The following PVT1 variants were observed in gnomAD, a reference collection of about 807,000 sequenced individuals.
The protein encoded by PVT1 is CXCR4/PVT1 fusion.
chr8:127,882,421 C>T (rs1815478595), intron 2 of PVT1, among the ~76,000 whole-genome samples: 1 of 152,152 alleles, frequency 6.6e-6, no homozygotes, highest in Non-Finnish European at 1.5e-5. Context: ...GAGAAATTGC[C>T]ACCTCTCCCT....
At chr8:127,979,979 A>G (rs1000879958) in intron 3 of PVT1, among the ~76,000 whole-genome samples, 3 of 144,150 alleles carry the variant, frequency 2.1e-5, no homozygotes, top group Non-Finnish European at 4.7e-5. Flanking sequence ...TCCTGGGCTC[A>G]GGCGATCCTT....
At chr8:127,823,918 T>G (rs1586394846) in intron 2 of PVT1, among the ~76,000 whole-genome samples, 1 of 152,140 alleles carries the variant, frequency 6.6e-6, no homozygotes, top group African/African-American at 2.4e-5. Context: ...TGAGGCTGGG[T>G]GAGGTGGCTC....
chr8:127,933,627 G>A (rs1816238340), intron 3 of PVT1, among the ~76,000 whole-genome samples: 1 of 152,198 alleles, frequency 6.6e-6, no homozygotes, highest in African/African-American at 2.4e-5. Flanking sequence ...GAAGGGGCAA[G>A]ATGAAGCCTC....
intron 4 of PVT1, among the ~76,000 whole-genome samples, chr8:127,995,915 T>A (rs200845509): frequency 2.1e-5 from 3 of 140,654 alleles, no homozygotes; most frequent in Non-Finnish European, 3.2e-5. Context: ...TTTTTTTTTT[T>A]AAACTTAAGG....
intron 2 of PVT1, among the ~76,000 whole-genome samples, chr8:127,845,986 A>G (rs6999467): frequency 0.044 from 6,643 of 152,240 alleles, 522 homozygotes; most frequent in African/African-American, 0.15. Flanking sequence ...GGGTCCCAGG[A>G]AGGCTGTGCT....
At chr8:128,019,028 T>G (rs1197127321) in intron 4 of PVT1, among the ~76,000 whole-genome samples, 1 of 152,192 alleles carries the variant, frequency 6.6e-6, no homozygotes, top group Non-Finnish European at 1.5e-5. Flanking sequence ...GTCTAGCTGG[T>G]CTGGGCTGCC....
intron 2 of PVT1, among the ~76,000 whole-genome samples, chr8:127,890,308 A>G (rs1170134807): frequency 6.6e-6 from 1 of 152,112 alleles, no homozygotes; most frequent in Non-Finnish European, 1.5e-5. Flanking sequence ...CAACTTTATA[A>G]TGGATGCCCC....
chr8:127,814,326 G>C (rs1814635241), intron 2 of PVT1, among the ~76,000 whole-genome samples: 1 of 152,224 alleles, frequency 6.6e-6, no homozygotes, highest in Non-Finnish European at 1.5e-5. Flanking sequence ...GAGCCTGCCT[G>C]ACGCGTCAGC....
At chr8:127,800,307 G>A (rs1245988750) in intron 2 of PVT1, among the ~76,000 whole-genome samples, 1 of 152,134 alleles carries the variant, frequency 6.6e-6, no homozygotes, top group African/African-American at 2.4e-5. Context: ...TTTAGCTGCT[G>A]GCGATCCAGC....
intron 3 of PVT1, among the ~76,000 whole-genome samples, chr8:127,904,182 A>G (rs1815792635): frequency 6.6e-6 from 1 of 152,114 alleles, no homozygotes; most frequent in South Asian, 2.1e-4. Context: ...TTATGTGTGT[A>G]TGAAGCCCTG....
At chr8:127,928,608 A>G (rs1221951720) in intron 3 of PVT1, among the ~76,000 whole-genome samples, 1 of 152,146 alleles carries the variant, frequency 6.6e-6, no homozygotes, top group Non-Finnish European at 1.5e-5. Flanking sequence ...TCTGCTAACC[A>G]CCATCACCCC....
chr8:128,053,376 C>T lies in PVT1; in HGVS notation n.913-16784C>T, dbSNP rs190567166. Among the ~76,000 whole-genome samples, 282 of 141,304 alleles carry T rather than the reference C, an allele frequency of 2.0e-3. 3 individuals carry two copies. The highest frequency in any genetic ancestry group is 6.5e-3 in the African/African-American group (237 of 36,394). The allele number at this position is 141,304 out of a possible 152,430, so 92.7% of individuals were successfully genotyped here. A position where few individuals can be genotyped will look rare whatever the true frequency, so the allele number is the denominator to read the frequency against. ...AGGGCTATATATACATATATATATA[C>T]ACACACACACACATATATATGTATT... On this transcript the variant is annotated intron_variant and non_coding_transcript_variant, in intron 4 of 10. Transcript: ENST00000651587.
rs531224178 is a variant in PVT1 at position 127,863,204 on chromosome 8, T to C, written n.373-27385T>C. Reference sequence around the variant, plus strand: ...TCGGCTCACTGCAACCTCCGCCTCTTGGGTTCAAGCAATTATCCTGCTTCA... The same window carrying C: ...TCGGCTCACTGCAACCTCCGCCTCTCGGGTTCAAGCAATTATCCTGCTTCA... On this transcript the variant is annotated intron_variant and non_coding_transcript_variant, in intron 2 of 10. Coordinates refer to ENST00000651587, the Ensembl canonical transcript of PVT1. Among the ~76,000 whole-genome samples the C allele has an allele frequency of 2.6e-5, 4 of 152,076 alleles. No homozygotes were observed. In the South Asian group the frequency reaches 8.3e-4, roughly 32 times the overall value.
intron 2 of PVT1, among the ~76,000 whole-genome samples, chr8:127,848,494 AC>A (rs2129728633): frequency 6.6e-6 from 1 of 152,202 alleles, no homozygotes; most frequent in African/African-American, 2.4e-5. Context: ...GACCAGCCTG[AC>A]CAACATGGAG....
chr8:128,047,495 T>G (rs1048528755), intron 4 of PVT1, among the ~76,000 whole-genome samples: 4 of 152,192 alleles, frequency 2.6e-5, no homozygotes, highest in Admixed American at 6.5e-5. Flanking sequence ...CTGAAGAGGA[T>G]GGGCGCGTGG....
intron 3 of PVT1, among the ~76,000 whole-genome samples, chr8:127,978,833 T>G (rs942117503): frequency 6.6e-6 from 1 of 152,150 alleles, no homozygotes; most frequent in Non-Finnish European, 1.5e-5. Flanking sequence ...CTTTGTTGCC[T>G]AGGCTGGAAT....
At chr8:127,923,747 G>C (rs531789054) in intron 3 of PVT1, among the ~76,000 whole-genome samples, 2 of 152,152 alleles carry the variant, frequency 1.3e-5, no homozygotes, top group Non-Finnish European at 2.9e-5. Context: ...CCTAACCCAG[G>C]GGCACATGGA....
chr8:127,819,768 T>C (rs1046078055), intron 2 of PVT1, among the ~76,000 whole-genome samples: 2 of 152,206 alleles, frequency 1.3e-5, no homozygotes, highest in Non-Finnish European at 2.9e-5. Context: ...TAGGACCCAA[T>C]ACTACTTTGC....
At chr8:127,813,725 C>T (rs1814627006) in intron 2 of PVT1, among the ~76,000 whole-genome samples, 1 of 152,180 alleles carries the variant, frequency 6.6e-6, no homozygotes, top group African/African-American at 2.4e-5. Context: ...AGTTGCTGCA[C>T]ACCTCACCTC....
Sources: gnomAD v4.1 joint callset for allele counts (sites outside exome capture counted in the v4.1 genomes callset) on GRCh38, gnomAD v4.1.1 for gene constraint, MANE v1.5 for transcripts, NCBI Gene and HGNC (gene_info 2026-07-23, HGNC 2026-07-21) for gene names.